Variants in TNFAIP8 observed in about 807,000 individuals in gnomAD.
TNFAIP8 encodes the protein TNF alpha induced protein 8, also known as tumor necrosis factor alpha-induced protein 8.
In TNFAIP8, 7 loss-of-function variants were observed where a neutral mutation model predicts 13.3. The observed-to-expected ratio is 0.52, with a 90% confidence interval of 0.30 to 0.99. The LOEUF is 0.99. Ranked by LOEUF, TNFAIP8 falls within the 50% of genes least tolerant of loss-of-function variation. The pLI is 0.07. For synonymous variants in TNFAIP8, 94 were observed against 87.6 expected, an observed-to-expected ratio of 1.07 and a Z score of -0.41; for missense variants, 258 against 236.9, an observed-to-expected ratio of 1.09 and a Z score of -0.58.
rs192420026 is a variant in TNFAIP8 at position 119,395,161 on chromosome 5, C to T, written c.*1780C>T. Reference sequence around the variant, plus strand: ...AGATTTGAACTGAAAGTATCATTCTCACTTCCTAGAGCCAGTAGGTGATCA... The same window carrying T: ...AGATTTGAACTGAAAGTATCATTCTTACTTCCTAGAGCCAGTAGGTGATCA... On this transcript the variant is annotated 3_prime_UTR_variant, in exon 2 of 2. Coordinates refer to ENST00000504771, the MANE Select transcript of TNFAIP8 (RefSeq NM_014350.4). The T allele has an allele frequency of 6.6e-6, 1 of 152,314 alleles. No individual in the cohort carries two copies. The highest frequency in any genetic ancestry group is 1.9e-4 in the East Asian group (1 of 5,190). The allele number at this position is 152,314 out of a possible 1,614,324, so 9.4% of individuals were successfully genotyped here.
chr5:119,358,684 A>G (rs1383173615), intron 1 of TNFAIP8, among the ~76,000 whole-genome samples: 1 of 152,210 alleles, frequency 6.6e-6, no homozygotes, highest in African/African-American at 2.4e-5. Context: ...AGATAGGCTG[A>G]TAGCCGTGTA....
At chr5:119,355,405 G>T (rs1160222037), upstream of TNFAIP8, 2 of 701,244 alleles carry the variant, frequency 2.9e-6, no homozygotes, top group Non-Finnish European at 2.6e-6. Context: ...AAGGGTGGAG[G>T]CCGCTCCACT....
In TNFAIP8 at chr5:119,393,566, A is replaced by G; in HGVS notation, c.*185A>G. 2 of 670,998 alleles carry G rather than the reference A, an allele frequency of 3.0e-6. No homozygotes were observed. The highest frequency in any genetic ancestry group is 4.8e-6 in the Non-Finnish European group (2 of 414,700). The allele number at this position is 670,998 out of a possible 1,614,324, so 41.6% of individuals were successfully genotyped here. Reference sequence around the variant, plus strand: ...TTATTTGAAGAAAAGCATATTGCCAAAAATTCTGGTTAAAAGCTTCCTAAC... The same window carrying G: ...TTATTTGAAGAAAAGCATATTGCCAGAAATTCTGGTTAAAAGCTTCCTAAC... On this transcript the variant is annotated 3_prime_UTR_variant, in exon 2 of 2. Transcript: ENST00000504771.
intron 1 of TNFAIP8, among the ~76,000 whole-genome samples, chr5:119,375,401 G>A (rs1056282705): frequency 6.6e-5 from 10 of 152,096 alleles, no homozygotes; most frequent in African/African-American, 1.4e-4. Flanking sequence ...GAAAGGTGGG[G>A]GCTGCTCAAG....
At chr5:119,385,621 C>A (rs991264052) in intron 1 of TNFAIP8, among the ~76,000 whole-genome samples, 3 of 152,098 alleles carry the variant, frequency 2.0e-5, no homozygotes, top group Non-Finnish European at 4.4e-5. Context: ...AAATTCCCTT[C>A]TAAAGAAAGT....
At chr5:119,305,676 CT>C (rs1749528483) in intron 1 of TNFAIP8, among the ~76,000 whole-genome samples, 1 of 152,144 alleles carries the variant, frequency 6.6e-6, no homozygotes, top group South Asian at 2.1e-4. Context: ...ACTTTTTGCA[CT>C]TTATAAAGGT....
At chr5:119,373,483 A>G (rs10039246) in intron 1 of TNFAIP8, among the ~76,000 whole-genome samples, 1 of 152,164 alleles carries the variant, frequency 6.6e-6, no homozygotes, top group African/African-American at 2.4e-5. Context: ...CCTTCACCAG[A>G]GGAGGAGTAT....
At position 119,393,078 on chromosome 5, in the gene TNFAIP8, G is replaced by A. The variant is rs780244091; in HGVS notation, c.294G>A (p.Leu98=). 6.2e-7 allele frequency: 1 copy of A among 1,613,858 alleles called. No homozygotes were observed. Residue 98 remains leucine, a synonymous_variant, in exon 2 of 2, where the codon TTG becomes TTA. Transcript: ENST00000504771. ...NNQFNQDELA[L]MEKFKKKVHQ... ...AGTTTAATCAAGATGAGCTAGCATT[G>A]ATGGAGAAATTTAAGAAGAAAGTTC...
At position 119,356,310 on chromosome 5, in the gene TNFAIP8, C is replaced by A. The variant is rs1024891537; in HGVS notation, c.31+189C>A. ...CTCATCTTGGGCTCCCTTCTCCCCC[C>A]GCAGCCGTTCAGAGGGGAGGGGAGG... On this transcript the variant is annotated intron_variant, in intron 1 of 1. Transcript: ENST00000504771. Among the ~76,000 whole-genome samples the A allele has an allele frequency of 5.3e-5, 8 of 152,158 alleles. No individual in the cohort carries two copies. The East Asian group carries it at 5.8e-4, about 11-fold the overall frequency.
chr5:119,372,549 T>A (rs1332917707), intron 1 of TNFAIP8, among the ~76,000 whole-genome samples: 1 of 152,254 alleles, frequency 6.6e-6, no homozygotes, highest in African/African-American at 2.4e-5. Context: ...CTTTGTTAAA[T>A]GGCCACCGCT....
intron 1 of TNFAIP8, among the ~76,000 whole-genome samples, chr5:119,296,855 G>A (rs1328960632): frequency 6.6e-6 from 1 of 152,014 alleles, no homozygotes; most frequent in Non-Finnish European, 1.5e-5. Flanking sequence ...TTAGTCTTGG[G>A]AGGGTGTATG....
At chr5:119,284,142 A>T (rs1030047549) in intron 1 of TNFAIP8, among the ~76,000 whole-genome samples, 10 of 152,320 alleles carry the variant, frequency 6.6e-5, no homozygotes, top group Admixed American at 3.3e-4. Flanking sequence ...TAAAGATGGG[A>T]AAACAGACTG....
At chr5:119,355,968 T>C (rs1751389228), upstream of TNFAIP8, 1 of 1,487,424 alleles carries the variant, frequency 6.7e-7, no homozygotes, top group Non-Finnish European at 9.1e-7. Flanking sequence ...GGGGAGGTTT[T>C]GATTTTAGTG....
intron 1 of TNFAIP8, among the ~76,000 whole-genome samples, chr5:119,391,927 C>T (rs1364676119): frequency 6.6e-6 from 1 of 152,082 alleles, no homozygotes; most frequent in East Asian, 1.9e-4. Context: ...ATATGTATAG[C>T]CATTATTATG....
chr5:119,335,092 G>A lies in TNFAIP8; in HGVS notation c.2-57724G>A, dbSNP rs200237853. On this transcript the variant is annotated intron_variant, in intron 1 of 1. Transcript: ENST00000274456. Reference sequence around the variant, plus strand: ...CTGAGAACCGTAGTGGCAGAGTGGCGCGTAGGAGCTTGTCTACTCTGTTCC... The same window carrying A: ...CTGAGAACCGTAGTGGCAGAGTGGCACGTAGGAGCTTGTCTACTCTGTTCC... 5.8e-4 allele frequency among the ~76,000 whole-genome samples: 89 copies of A among 152,224 alleles called. 2 individuals are homozygous for A. The East Asian group carries it at 6.4e-3, about 11-fold the overall frequency.
At chr5:119,303,028 A>G (rs1288351007) in intron 1 of TNFAIP8, among the ~76,000 whole-genome samples, 2 of 151,850 alleles carry the variant, frequency 1.3e-5, no homozygotes, top group African/African-American at 4.8e-5. Context: ...TGTCTGACAC[A>G]CTCTTCAGCT....
chr5:119,284,075 A>G (rs1304880019), intron 1 of TNFAIP8, among the ~76,000 whole-genome samples: 1 of 152,180 alleles, frequency 6.6e-6, no homozygotes, highest in Non-Finnish European at 1.5e-5. Flanking sequence ...CTCTCTGTAC[A>G]TTGCCACATT....
intron 1 of TNFAIP8, among the ~76,000 whole-genome samples, chr5:119,285,804 C>G: frequency 6.6e-6 from 1 of 152,178 alleles, no homozygotes; most frequent in Non-Finnish European, 1.5e-5. Context: ...TGCTTACATA[C>G]ATGAGGGTGC....
chr5:119,383,651 C>T (rs531436826), intron 1 of TNFAIP8, among the ~76,000 whole-genome samples: 2 of 152,208 alleles, frequency 1.3e-5, no homozygotes, highest in South Asian at 4.2e-4. Context: ...AGTATCTATT[C>T]ATGTATTTGC....
Sources: allele counts gnomAD v4.1 joint callset (sites outside exome capture counted in the v4.1 genomes callset), GRCh38; gene constraint gnomAD v4.1.1; transcripts MANE v1.5; gene names NCBI Gene and HGNC (gene_info 2026-07-23, HGNC 2026-07-21).